The following ANAPC1 variants were observed in gnomAD, a reference collection of about 807,000 sequenced individuals.
ANAPC1 encodes anaphase-promoting complex subunit 1.
In ANAPC1, 36 loss-of-function variants were observed where a neutral mutation model predicts 208.0. The ratio of observed to expected loss-of-function variants is 0.17; its 90% CI spans 0.13 to 0.23. The LOEUF (loss-of-function observed/expected upper bound fraction) is 0.23, where lower values mean the gene tolerates loss of function less well. Ranked by LOEUF, ANAPC1 falls within the 10% of genes least tolerant of loss-of-function variation. The pLI is 1.00. For synonymous variants in ANAPC1, 378 were observed against 695.2 expected (o/e 0.54, Z 7.18); for missense variants, 942 against 2,011.6 (o/e 0.47, Z 10.17).
intron 21 of ANAPC1, among the ~76,000 whole-genome samples, chr2:111,828,953 G>A (rs1410784480): frequency 8.5e-5 from 13 of 152,294 alleles, no homozygotes; most frequent in African/African-American, 3.1e-4. Context: ...AGTGGCTCAC[G>A]CCTGTAACCC....
rs776174982 is a variant in ANAPC1 at position 111,833,260 on chromosome 2, C to T, written c.2436G>A (p.Thr812=). The stretch of plus-strand genomic sequence containing the variant: ...ACACTTGTCCAGTAGTTCTGACAAG[C>T]GTTGGGTAGTCTCTATAGTAATGAT... The part of the protein sequence containing the change: ...YVDHYYRDYP[T]LVRTTGQVCT... The change falls in exon 20 of 48, where the codon ACG becomes ACA. Residue 812 remains threonine (T), a synonymous_variant. Transcript: ENST00000341068. 26 of 1,603,004 alleles carry T rather than the reference C, an allele frequency of 1.6e-5. No individual in the cohort carries two copies. In the East Asian group the frequency reaches 4.3e-4, roughly 26 times the overall value.
In ANAPC1 at chr2:111,782,507, C is replaced by A. The variant is rs865848448; in HGVS notation, c.5064G>T (p.Lys1688Asn). 1.2e-6 allele frequency: 2 copies of A among 1,613,434 alleles called. No homozygotes were observed. The highest frequency in any genetic ancestry group is 8.5e-7 in the Non-Finnish European group (1 of 1,179,672). Residue 1688 changes from lysine to asparagine, a missense_variant and splice_region_variant, in exon 43 of 48, where the codon AAG (lysine) becomes AAT (asparagine). Lys to Asn is a moderately conservative substitution (Grantham distance 94). Coordinates refer to ENST00000341068, the MANE Select transcript of ANAPC1 (RefSeq NM_022662.4). ...IDLSKGTQHL[K>N]SILSKDGVLY... ...AAACCCCATCCTTGGAAAGGATGGA[C>A]CTGAAAGAAAAGGAATGAATTTAAT... is the stretch of plus-strand genomic sequence containing the variant.
chr2:111,834,722 A>G lies in ANAPC1; in HGVS notation c.2266T>C (p.Phe756Leu), dbSNP rs1480064144. The G allele has an allele frequency of 6.2e-7, 1 of 1,613,446 alleles. No individual in the cohort carries two copies. Among genetic ancestry groups the G allele is most frequent in the Non-Finnish European group, 8.5e-7 (1 of 1,179,786 alleles). ...AAAAAAATTGCAGGTATGTGAGTAA[A>G]GAGAAGTGTAGAAGAATCCAGACTG... ...NLSLDSSTLL[F>L]THIPAIFFVL... Residue 756 changes from phenylalanine (F) to leucine (L), a missense_variant, in exon 19 of 48, where the codon TTT (phenylalanine) becomes CTT (leucine). By Grantham distance (22) the Phe-to-Leu change is conservative. Transcript: ENST00000341068.
At chr2:111,871,695 T>G (rs1170923241) in intron 6 of ANAPC1, among the ~76,000 whole-genome samples, 3 of 152,116 alleles carry the variant, frequency 2.0e-5, no homozygotes, top group African/African-American at 7.2e-5. Context: ...GAGGTTGTGG[T>G]GAGCCGAGAT....
intron 46 of ANAPC1, among the ~76,000 whole-genome samples, chr2:111,775,855 A>G (rs575162778): frequency 1.3e-5 from 2 of 152,394 alleles, no homozygotes; most frequent in East Asian, 1.9e-4. Flanking sequence ...AAATGAGGAT[A>G]AAAATGACTA....
At chr2:111,818,469 G>A (rs1394614369) in intron 27 of ANAPC1, among the ~76,000 whole-genome samples, 3 of 151,536 alleles carry the variant, frequency 2.0e-5, no homozygotes, top group Non-Finnish European at 4.4e-5. Context: ...TTTATACAAT[G>A]ATCATCTGTT....
At chr2:111,869,569 T>C (rs1001641326) in intron 6 of ANAPC1, among the ~76,000 whole-genome samples, 2 of 152,180 alleles carry the variant, frequency 1.3e-5, no homozygotes, top group Non-Finnish European at 2.9e-5. Context: ...AGCCATTTAT[T>C]TGCATATTCA....
At chr2:111,840,128 C>A (rs1358312020) in intron 17 of ANAPC1, among the ~76,000 whole-genome samples, 1 of 152,176 alleles carries the variant, frequency 6.6e-6, no homozygotes, top group African/African-American at 2.4e-5. Context: ...AAAAAGTTAA[C>A]CCCAAATGCA....
chr2:111,831,194 T>G, intron 21 of ANAPC1, 92 bp downstream of exon 21: 1 of 1,371,884 alleles, frequency 7.3e-7, no homozygotes. Flanking sequence ...TTCACAGAAC[T>G]ATACACAGAA....
intron 6 of ANAPC1, among the ~76,000 whole-genome samples, chr2:111,870,678 T>C (rs1430003995): frequency 2.0e-5 from 3 of 152,256 alleles, no homozygotes; most frequent in Admixed American, 6.5e-5. Context: ...TTTCTTTTGC[T>C]GTGCAGAAGC....
intron 24 of ANAPC1, among the ~76,000 whole-genome samples, chr2:111,824,175 T>C (rs1032669304): frequency 1.3e-5 from 2 of 148,852 alleles, no homozygotes; most frequent in African/African-American, 4.9e-5. Flanking sequence ...TAATCCAATA[T>C]TTTTCAGCAT....
chr2:111,825,713 T>C, intron 22 of ANAPC1, 64 bp downstream of exon 22: 1 of 1,527,974 alleles, frequency 6.5e-7, no homozygotes, highest in Non-Finnish European at 9.0e-7. Flanking sequence ...TTCAATTCTT[T>C]TTTCAATTCT....
At chr2:111,872,575 A>G in intron 6 of ANAPC1, 55 bp downstream of exon 6, 1 of 1,463,486 alleles carries the variant, frequency 6.8e-7, no homozygotes, top group Non-Finnish European at 9.6e-7. Flanking sequence ...CCTCAGAACC[A>G]ACACAAACAC....
At chr2:111,828,878 A>ATC (rs1679976951) in intron 21 of ANAPC1, among the ~76,000 whole-genome samples, 1 of 152,216 alleles carries the variant, frequency 6.6e-6, no homozygotes, top group South Asian at 2.1e-4. Context: ...TGATGGCAAC[A>ATC]TAACAATGTG....
At chr2:111,882,930 G>A (rs2104624531) in intron 1 of ANAPC1, among the ~76,000 whole-genome samples, 1 of 152,120 alleles carries the variant, frequency 6.6e-6, no homozygotes, top group African/African-American at 2.4e-5. Flanking sequence ...CACTTTGGGT[G>A]GCCGAGACGG....
intron 13 of ANAPC1, among the ~76,000 whole-genome samples, chr2:111,855,919 C>A (rs549251936): frequency 5.9e-5 from 9 of 152,176 alleles, no homozygotes; most frequent in Admixed American, 5.2e-4. Context: ...ATATTCTCTA[C>A]GTACATTTCA....
At chr2:111,868,382 G>A (rs1392846523) in intron 6 of ANAPC1, among the ~76,000 whole-genome samples, 1 of 152,170 alleles carries the variant, frequency 6.6e-6, no homozygotes, top group East Asian at 1.9e-4. Context: ...AACAAATGGA[G>A]TAATGTGCAT....
intron 46 of ANAPC1, among the ~76,000 whole-genome samples, chr2:111,773,110 A>G (rs572928481): frequency 2.6e-3 from 395 of 152,374 alleles, no homozygotes; most frequent in Non-Finnish European, 2.0e-3. Context: ...AGAGACAGGC[A>G]GACCCAGGCC....
chr2:111,856,922 C>T lies in ANAPC1; in HGVS notation c.1359-36G>A, dbSNP rs750664955. On this transcript the variant is annotated intron_variant, in intron 11 of 47. Transcript: ENST00000341068. ...AAATAAAAAAGAAACTTGATACATG[C>T]AACAACCTGTATGGGTATTAAAAGT... 3.3e-6 allele frequency: 5 copies of T among 1,531,826 alleles called. No individual in the cohort carries two copies. The Admixed American group carries it at 6.8e-5, about 21-fold the overall frequency. 94.9% of individuals were successfully genotyped at this position (1,531,826 alleles called of 1,614,324 possible).
Sources: allele counts gnomAD v4.1 joint callset (sites outside exome capture counted in the v4.1 genomes callset), GRCh38; gene constraint gnomAD v4.1.1; transcripts MANE v1.5; gene names NCBI Gene and HGNC (gene_info 2026-07-23, HGNC 2026-07-21).